The following SLC9A9 variants were observed in gnomAD, a reference collection of about 807,000 sequenced individuals.
SLC9A9 encodes sodium/hydrogen exchanger 9.
Under a neutral mutation model 77.8 loss-of-function variants are expected in SLC9A9, and 62 were observed. That is an observed-to-expected ratio of 0.80 (90% CI 0.65 to 0.98). SLC9A9 has a LOEUF of 0.98. SLC9A9 is among the 50% of genes least tolerant of loss of function. SLC9A9 has a pLI of 0.00. For synonymous variants in SLC9A9, 320 were observed against 283.5 expected (o/e 1.13, Z -1.29); for missense variants, 775 against 774.9 (o/e 1.00, Z 0.00).
intron 6 of SLC9A9, among the ~76,000 whole-genome samples, chr3:143,613,271 G>GA (rs1310534222): frequency 1.3e-5 from 2 of 152,116 alleles, no homozygotes; most frequent in Non-Finnish European, 2.9e-5. Context: ...ACAAAAATGT[G>GA]AAAAAGGAAT....
At chr3:143,746,667 T>C (rs1400701231) in intron 4 of SLC9A9, among the ~76,000 whole-genome samples, 1 of 152,208 alleles carries the variant, frequency 6.6e-6, no homozygotes, top group East Asian at 1.9e-4. Flanking sequence ...TGAATACATT[T>C]ACCTTTTTTT....
intron 4 of SLC9A9, among the ~76,000 whole-genome samples, chr3:143,732,821 A>T (rs925659591): frequency 1.3e-5 from 2 of 152,192 alleles, no homozygotes; most frequent in African/African-American, 4.8e-5. Context: ...CAGAGAAAGA[A>T]AACTTGGATC....
chr3:143,692,310 A>G (rs1329654157), intron 5 of SLC9A9, among the ~76,000 whole-genome samples: 1 of 152,204 alleles, frequency 6.6e-6, no homozygotes, highest in Non-Finnish European at 1.5e-5. Flanking sequence ...ACAAATAATG[A>G]CAATAAGACA....
At chr3:143,673,379 T>C (rs1218152163) in intron 5 of SLC9A9, among the ~76,000 whole-genome samples, 1 of 152,108 alleles carries the variant, frequency 6.6e-6, no homozygotes, top group Non-Finnish European at 1.5e-5. Flanking sequence ...TTAGTGATGA[T>C]TGTCGACACG....
intron 12 of SLC9A9, among the ~76,000 whole-genome samples, chr3:143,455,774 C>G (rs2035079913): frequency 6.6e-6 from 1 of 151,260 alleles, no homozygotes; most frequent in African/African-American, 2.4e-5. Flanking sequence ...ATCCTACAAC[C>G]TAAAATCACT....
At chr3:143,699,294 A>G (rs192105551) in intron 4 of SLC9A9, among the ~76,000 whole-genome samples, 19 of 151,664 alleles carry the variant, frequency 1.3e-4, no homozygotes, top group African/African-American at 4.1e-4. Context: ...CAGTGATTGT[A>G]CACCCCACAA....
intron 6 of SLC9A9, among the ~76,000 whole-genome samples, chr3:143,647,879 C>A (rs2038730302): frequency 6.6e-6 from 1 of 152,142 alleles, no homozygotes; most frequent in African/African-American, 2.4e-5. Flanking sequence ...TATGTCTTAA[C>A]TAAGTGATTC....
At chr3:143,530,932 A>G (rs928209476) in intron 9 of SLC9A9, among the ~76,000 whole-genome samples, 1 of 152,170 alleles carries the variant, frequency 6.6e-6, no homozygotes, top group East Asian at 1.9e-4. Flanking sequence ...TAATCCCATT[A>G]TAGATAAGAA....
At chr3:143,753,090 G>A (rs1374963253) in intron 4 of SLC9A9, among the ~76,000 whole-genome samples, 2 of 152,160 alleles carry the variant, frequency 1.3e-5, no homozygotes, top group African/African-American at 2.4e-5. Flanking sequence ...ACACTTATTT[G>A]AAGTTCAGAC....
intron 4 of SLC9A9, among the ~76,000 whole-genome samples, chr3:143,758,787 C>G (rs2007015348): frequency 6.6e-6 from 1 of 152,130 alleles, no homozygotes; most frequent in Non-Finnish European, 1.5e-5. Context: ...GAACCTTCCT[C>G]TAAGTCTTAG....
intron 5 of SLC9A9, among the ~76,000 whole-genome samples, chr3:143,654,600 A>C (rs757799447): frequency 3.3e-5 from 5 of 152,234 alleles, no homozygotes; most frequent in Non-Finnish European, 7.4e-5. Context: ...GGGTTTGGTT[A>C]GCAACATTTT....
intron 4 of SLC9A9, among the ~76,000 whole-genome samples, chr3:143,706,483 G>T (rs2108793067): frequency 6.6e-6 from 1 of 152,132 alleles, no homozygotes; most frequent in South Asian, 2.1e-4. Flanking sequence ...AATTAGAAAG[G>T]TTGTGGAGAA....
chr3:143,744,530 C>T (rs1025049643), intron 4 of SLC9A9, among the ~76,000 whole-genome samples: 2 of 152,162 alleles, frequency 1.3e-5, no homozygotes, highest in Admixed American at 6.5e-5. Context: ...TTCACGGCCC[C>T]ATCGCTACTC....
At chr3:143,618,177 C>G (rs2038139260) in intron 6 of SLC9A9, among the ~76,000 whole-genome samples, 1 of 152,160 alleles carries the variant, frequency 6.6e-6, no homozygotes. Flanking sequence ...TAGACCATTT[C>G]CTGAGCCCTC....
intron 4 of SLC9A9, among the ~76,000 whole-genome samples, chr3:143,725,308 C>T (rs1424785618): frequency 2.1e-4 from 32 of 152,000 alleles, no homozygotes; most frequent in East Asian, 3.9e-4. Flanking sequence ...CTAGTTCAAC[C>T]ATTGTGGAAG....
At chr3:143,444,742 C>T (rs2034811282) in intron 12 of SLC9A9, among the ~76,000 whole-genome samples, 1 of 152,164 alleles carries the variant, frequency 6.6e-6, no homozygotes, top group African/African-American at 2.4e-5. Flanking sequence ...CTCTTCCTTA[C>T]CCCATTCCTA....
intron 14 of SLC9A9, among the ~76,000 whole-genome samples, chr3:143,316,170 G>A (rs2031206217): frequency 6.6e-6 from 1 of 152,154 alleles, no homozygotes; most frequent in Non-Finnish European, 1.5e-5. Context: ...CACATCTTTA[G>A]CCATTAGAAA....
intron 14 of SLC9A9, among the ~76,000 whole-genome samples, chr3:143,300,708 C>G (rs115593294): frequency 6.6e-6 from 1 of 152,100 alleles, no homozygotes; most frequent in Non-Finnish European, 1.5e-5. Flanking sequence ...TTTAAAAGCC[C>G]GGAGTCTGAT....
At chr3:143,810,902 A>G (rs1341769445) in intron 2 of SLC9A9, among the ~76,000 whole-genome samples, 2 of 152,212 alleles carry the variant, frequency 1.3e-5, no homozygotes, top group Non-Finnish European at 2.9e-5. Context: ...GTGCTGGGAT[A>G]AGCTGTAATT....
Sources: allele counts gnomAD v4.1 joint callset (sites outside exome capture counted in the v4.1 genomes callset), GRCh38; gene constraint gnomAD v4.1.1; transcripts MANE v1.5; gene names NCBI Gene and HGNC (gene_info 2026-07-23, HGNC 2026-07-21).